TTC7B: variants seen among roughly 807,000 people sequenced by gnomAD.
The protein encoded by TTC7B is tetratricopeptide repeat protein 7B.
In TTC7B, 28 loss-of-function variants were observed where a neutral mutation model predicts 106.8. That is an observed-to-expected ratio of 0.26 (90% CI 0.19 to 0.36). TTC7B has a LOEUF of 0.36. Among genes scored for constraint, TTC7B ranks in the 10% least tolerant of loss-of-function variants. The pLI is 1.00. For missense variants in TTC7B, 862 were observed against 1,076.4 expected (o/e 0.80, Z 2.79); for synonymous variants, 405 against 430.6 (o/e 0.94, Z 0.74).
At chr14:90,749,090 C>T (rs972603728) in intron 3 of TTC7B, among the ~76,000 whole-genome samples, 1 of 152,196 alleles carries the variant, frequency 6.6e-6, no homozygotes, top group African/African-American at 2.4e-5. Flanking sequence ...TGGTTTCTGA[C>T]AATAATTCTG....
intron 19 of TTC7B, among the ~76,000 whole-genome samples, chr14:90,544,271 G>A (rs1889729992): frequency 1.3e-5 from 2 of 152,246 alleles, no homozygotes; most frequent in African/African-American, 2.4e-5. Flanking sequence ...AATACCCGAT[G>A]TTTCTTTTCT....
intron 19 of TTC7B, among the ~76,000 whole-genome samples, chr14:90,544,452 T>C (rs1411304939): frequency 6.6e-6 from 1 of 151,714 alleles, no homozygotes; most frequent in Non-Finnish European, 1.5e-5. Context: ...GGGTGTGGAG[T>C]CCAGCTGCGG....
chr14:90,726,285 G>A (rs1029609397), intron 5 of TTC7B, among the ~76,000 whole-genome samples: 22 of 152,164 alleles, frequency 1.4e-4, no homozygotes, highest in African/African-American at 3.4e-4. Flanking sequence ...CAGTGCCACC[G>A]CGGTCAGACC....
chr14:90,795,841 G>A (rs1157321548), intron 1 of TTC7B, among the ~76,000 whole-genome samples: 2 of 152,286 alleles, frequency 1.3e-5, no homozygotes, highest in African/African-American at 2.4e-5. Context: ...AATGCTGTGT[G>A]AGTCATTAAT....
intron 17 of TTC7B, among the ~76,000 whole-genome samples, chr14:90,605,190 C>T (rs554272061): frequency 3.3e-5 from 5 of 152,278 alleles, no homozygotes; most frequent in African/African-American, 9.6e-5. Flanking sequence ...CTGTAGAATA[C>T]GGCCTTGATG....
intron 3 of TTC7B, among the ~76,000 whole-genome samples, chr14:90,753,662 G>T (rs1437095488): frequency 1.3e-5 from 2 of 152,204 alleles, no homozygotes; most frequent in East Asian, 1.9e-4. Context: ...TGAGGTCCCT[G>T]TCAATCCAGA....
At chr14:90,731,049 C>A (rs552421379) in intron 4 of TTC7B, among the ~76,000 whole-genome samples, 2 of 152,094 alleles carry the variant, frequency 1.3e-5, no homozygotes, top group Non-Finnish European at 2.9e-5. Context: ...GGGTTCACGC[C>A]ATTCTCCTGC....
intron 15 of TTC7B, among the ~76,000 whole-genome samples, chr14:90,635,858 G>A (rs1055777814): frequency 3.3e-5 from 5 of 151,650 alleles, no homozygotes; most frequent in African/African-American, 7.3e-5. Context: ...GGTGGCTCAC[G>A]TCTGTAATCC....
chr14:90,712,734 C>CA (rs1555392402), intron 5 of TTC7B, among the ~76,000 whole-genome samples: 3 of 149,002 alleles, frequency 2.0e-5, no homozygotes, highest in Admixed American at 6.7e-5. Flanking sequence ...CGCTGGCAGG[C>CA]TTTTTTTTTT....
chr14:90,734,539 A>G (rs900839456), intron 4 of TTC7B, among the ~76,000 whole-genome samples: 33 of 152,220 alleles, frequency 2.2e-4, no homozygotes, highest in African/African-American at 7.2e-4. Flanking sequence ...CTCTGTTTCT[A>G]TAGAAGACTT....
At chr14:90,659,877 T>C (rs1360413320) in intron 9 of TTC7B, among the ~76,000 whole-genome samples, 1 of 152,116 alleles carries the variant, frequency 6.6e-6, no homozygotes, top group Non-Finnish European at 1.5e-5. Context: ...GTGAAGACTC[T>C]GGGGAGATAA....
chr14:90,647,975 A>C (rs1179447719), intron 13 of TTC7B, among the ~76,000 whole-genome samples: 1 of 152,076 alleles, frequency 6.6e-6, no homozygotes. Flanking sequence ...AAAAAAGAAA[A>C]CCAAATCATT....
chr14:90,787,498 A>C (rs1297657205), intron 1 of TTC7B, among the ~76,000 whole-genome samples: 1 of 152,220 alleles, frequency 6.6e-6, no homozygotes, highest in Non-Finnish European at 1.5e-5. Flanking sequence ...GGGGACCTCA[A>C]CTGGGGTTGG....
At chr14:90,667,696 C>T (rs563142987) in intron 9 of TTC7B, among the ~76,000 whole-genome samples, 7 of 152,248 alleles carry the variant, frequency 4.6e-5, no homozygotes, top group South Asian at 2.1e-4. Context: ...TAGCATCTGA[C>T]GCTTTAATTT....
chr14:90,803,358 C>T (rs1415066397), intron 1 of TTC7B, among the ~76,000 whole-genome samples: 2 of 152,192 alleles, frequency 1.3e-5, no homozygotes. Context: ...CTGGAATCAA[C>T]CAATCAATAT....
intron 9 of TTC7B, among the ~76,000 whole-genome samples, chr14:90,661,099 T>G (rs1274685362): frequency 1.3e-5 from 2 of 152,236 alleles, no homozygotes; most frequent in Admixed American, 6.5e-5. Context: ...CCAGGAACAC[T>G]GAGCAGAAAG....
chr14:90,719,494 A>C (rs978341282), intron 5 of TTC7B, among the ~76,000 whole-genome samples: 4 of 152,158 alleles, frequency 2.6e-5, no homozygotes, highest in African/African-American at 9.7e-5. Context: ...TGATTCTTAC[A>C]ACTGAGCATA....
At chr14:90,599,002 T>C (rs1312659711) in intron 17 of TTC7B, among the ~76,000 whole-genome samples, 1 of 151,796 alleles carries the variant, frequency 6.6e-6, no homozygotes, top group Non-Finnish European at 1.5e-5. Context: ...ACAAAAAAAA[T>C]TAGCCGGGCC....
chr14:90,547,553 T>C lies in TTC7B; in HGVS notation c.2311-5964A>G, dbSNP rs572234744. On this transcript the variant is annotated intron_variant, in intron 19 of 19. Coordinates refer to ENST00000328459, the MANE Select transcript of TTC7B (RefSeq NM_001010854.2). ...GCTCACGCCTGTAATCCCAGCAGTT[T>C]TGGAGGCTGAGGCAGATGGATCGCT... Among the ~76,000 whole-genome samples the C allele has an allele frequency of 2.0e-3, 310 of 152,302 alleles. 2 individuals are homozygous for C. The highest frequency in any genetic ancestry group is 3.4e-3 in the Middle Eastern group (1 of 294).
Sources: gnomAD v4.1 joint callset for allele counts (sites outside exome capture counted in the v4.1 genomes callset) on GRCh38, gnomAD v4.1.1 for gene constraint, MANE v1.5 for transcripts, NCBI Gene and HGNC (gene_info 2026-07-23, HGNC 2026-07-21) for gene names.